The following MYRF variants were observed in gnomAD, a reference collection of about 807,000 sequenced individuals.
MYRF encodes myelin gene regulatory factor.
Under a neutral mutation model 126.3 loss-of-function variants are expected in MYRF, and 16 were observed. The ratio of observed to expected loss-of-function variants is 0.13; its 90% CI spans 0.09 to 0.19. MYRF has a LOEUF of 0.19. MYRF is among the 10% of genes least tolerant of loss of function. The probability of loss-of-function intolerance (pLI) is 1.00; values close to 1 mark genes in which losing one functional copy is unlikely to be tolerated. For missense variants in MYRF, 1,104 were observed against 1,547.0 expected, an observed-to-expected ratio of 0.71 and a Z score of 4.80; for synonymous variants, 608 against 635.3, an observed-to-expected ratio of 0.96 and a Z score of 0.65.
chr11:61,774,562 C>CGT (rs1189731243), intron 8 of MYRF, among the ~76,000 whole-genome samples: 2 of 150,534 alleles, frequency 1.3e-5, no homozygotes, highest in Non-Finnish European at 1.5e-5. Flanking sequence ...CATCTGTGTG[C>CGT]GTGTGTGTGT....
In MYRF at chr11:61,781,706, T is replaced by A. The variant is rs887396333; in HGVS notation, c.2898T>A (p.Pro966=). 6.2e-7 allele frequency: 1 copy of A among 1,613,222 alleles called. No homozygotes were observed. Among genetic ancestry groups the A allele is most frequent in the African/African-American group, 1.3e-5 (1 of 74,934 alleles). Reference sequence around the variant, plus strand: ...TGGCCAGCCCTGCAGTCCCCTTCCCTGGGGGGCAGGGCAAAGCCAAGAACA... The same window carrying A: ...TGGCCAGCCCTGCAGTCCCCTTCCCAGGGGGGCAGGGCAAAGCCAAGAACA... ...EPLASPAVPF[P]GGQGKAKNSP... Residue 966 remains proline, a synonymous_variant, in exon 22 of 27, where the codon CCT becomes CCA. Transcript: ENST00000278836.
In MYRF at chr11:61,777,468, G is replaced by A. The variant is rs1354332287; in HGVS notation, c.1791+4G>A. The A allele has an allele frequency of 6.2e-7, 1 of 1,603,332 alleles. No homozygotes were observed. Among genetic ancestry groups the A allele is most frequent in the Non-Finnish European group, 8.5e-7 (1 of 1,175,278 alleles). ...CGCCAAGGAACACGTGCAGGAGGTG[G>A]GGACAGGGCTGTGGGGGCCGGGCGG... On this transcript the variant is annotated splice_donor_region_variant and intron_variant, in intron 12 of 26. Coordinates refer to ENST00000278836, the MANE Select transcript of MYRF (RefSeq NM_001127392.3). The surrounding 1 kb of genome is among the most constrained non-coding windows in gnomAD (Gnocchi z 8.8).
chr11:61,765,816 C>T (rs2066040250), intron 2 of MYRF, 104 bp downstream of exon 2: 28 of 1,417,744 alleles, frequency 2.0e-5, no homozygotes, highest in Non-Finnish European at 2.3e-5. Context: ...CTGCTGTGGT[C>T]CCACCTCTGA....
At chr11:61,765,733 G>C in intron 2 of MYRF, 21 bp downstream of exon 2, 2 of 1,597,416 alleles carry the variant, frequency 1.3e-6, no homozygotes, top group Non-Finnish European at 8.5e-7. Flanking sequence ...CCCTCGCCCG[G>C]CCTGCACCCG....
At chr11:61,765,105 G>A (rs923367269) in intron 1 of MYRF, among the ~76,000 whole-genome samples, 1 of 152,194 alleles carries the variant, frequency 6.6e-6, no homozygotes, top group Non-Finnish European at 1.5e-5. Flanking sequence ...GCCAGGCCTC[G>A]TGCTCCTGCG....
Position 61,766,176 on chromosome 11 carries a change from C to T in MYRF, c.353C>T (p.Thr118Ile). The T allele has an allele frequency of 1.2e-6, 2 of 1,611,800 alleles. No individual in the cohort carries two copies. Among genetic ancestry groups the T allele is most frequent in the Non-Finnish European group, 8.5e-7 (1 of 1,179,666 alleles). Residue 118 changes from threonine (T) to isoleucine (I), a missense_variant, in exon 3 of 27, where the codon ACC becomes ATC. This residue lies in a region of MYRF where 368 missense variants were observed against 403.9 expected (regional missense o/e 0.91). Transcript: ENST00000278836. ...GCCCCCAAGCCCTTCCCGGGGGGCA[C>T]CGGGCCCCCCATCAAGGCTGAGCCC... ...GAAPKPFPGG[T>I]GPPIKAEPKA...
rs541875821 is a variant in MYRF, at chr11:61,786,029, A to C, written c.3376-34A>C. 4 of 1,609,650 alleles carry C rather than the reference A, an allele frequency of 2.5e-6. No homozygotes were observed. In the East Asian group the frequency reaches 8.9e-5, roughly 36 times the overall value. On this transcript the variant is annotated intron_variant, in intron 26 of 26. Coordinates refer to ENST00000278836, the MANE Select transcript of MYRF (RefSeq NM_001127392.3). This position sits in a 1 kb window ranked among gnomAD's most constrained non-coding sequence, Gnocchi z 4.5. Reference sequence around the variant, plus strand: ...AGTGCCATCTGCCCCGCACCCCCAGAGCCACCTCACCTTCCCACTGCCCTT... The same window carrying C: ...AGTGCCATCTGCCCCGCACCCCCAGCGCCACCTCACCTTCCCACTGCCCTT...
intron 1 of MYRF, among the ~76,000 whole-genome samples, chr11:61,760,197 G>C (rs2065863658): frequency 6.6e-6 from 1 of 152,144 alleles, no homozygotes; most frequent in African/African-American, 2.4e-5. Context: ...TCGAACTCCT[G>C]ACCTTGTGAT....
chr11:61,778,629 C>A lies in MYRF; in HGVS notation c.2013+140C>A. 1 of 685,794 alleles carries A rather than the reference C, an allele frequency of 1.5e-6. No homozygotes were observed. The highest frequency in any genetic ancestry group is 2.7e-6 in the Non-Finnish European group (1 of 375,894). The allele number at this position is 685,794 out of a possible 1,614,324, so 42.5% of individuals were successfully genotyped here. On this transcript the variant is annotated intron_variant, in intron 14 of 26. Coordinates refer to ENST00000278836, the MANE Select transcript of MYRF (RefSeq NM_001127392.3). This position sits in a 1 kb window ranked among gnomAD's most constrained non-coding sequence, Gnocchi z 4.6. ...CGGCTCTCATGCTGCCTCCAGAGCG[C>A]CCTCTGCACCCCACAGGGAAGGGGT...
intron 1 of MYRF, among the ~76,000 whole-genome samples, chr11:61,759,062 C>T (rs976367316): frequency 7.9e-5 from 12 of 152,204 alleles, no homozygotes; most frequent in Admixed American, 4.6e-4. Flanking sequence ...TGTGTGTTGG[C>T]AGTGTGCCTG....
Position 61,779,928 on chromosome 11 carries a change from C to G in MYRF, c.2334C>G (p.Phe778Leu), listed in dbSNP as rs1381402360. The change falls in exon 17 of 27, where the codon TTC (phenylalanine) becomes TTG (leucine). Residue 778 changes from phenylalanine (F) to leucine (L), a missense_variant and splice_region_variant. Physicochemically the swap from Phe to Leu is conservative, Grantham distance 22. Around this residue, in one of 10 missense-constraint regions of MYRF, gnomAD observed 323 missense variants for 383.1 expected, o/e 0.84. Coordinates refer to ENST00000278836, the MANE Select transcript of MYRF (RefSeq NM_001127392.3). Reference sequence around the variant, plus strand: ...TTGCCCTGGTGGTGGTCATGGCCTTCAGGTGACTTGTCCCCTGGGCTCTCA... The same window carrying G: ...TTGCCCTGGTGGTGGTCATGGCCTTGAGGTGACTTGTCCCCTGGGCTCTCA... ...TIIALVVVMA[F>L]SVVSMSTLYV... 2.5e-6 allele frequency: 4 copies of G among 1,613,500 alleles called. No individual in the cohort carries two copies. The highest frequency in any genetic ancestry group is 2.5e-6 in the Non-Finnish European group (3 of 1,179,652).
In MYRF at chr11:61,777,588, G is replaced by T; in HGVS notation, c.1791+124G>T. On this transcript the variant is annotated intron_variant, in intron 12 of 26. Transcript: ENST00000278836. The surrounding 1 kb of genome is among the most constrained non-coding windows in gnomAD (Gnocchi z 8.8). ...AGCTGCGGGGGAAGGAAGGGAGGGA[G>T]GCTGGCCTCGAATCCCGATCTAACC... 1 of 1,367,588 alleles carries T rather than the reference G, an allele frequency of 7.3e-7. No individual in the cohort carries two copies. The highest frequency in any genetic ancestry group is 1.0e-6 in the Non-Finnish European group (1 of 998,276). The allele number at this position is 1,367,588 out of a possible 1,614,324, so 84.7% of individuals were successfully genotyped here.
In MYRF at chr11:61,757,343, G is replaced by A. The variant is rs1425874939; in HGVS notation, c.46+4553G>A. On this transcript the variant is annotated intron_variant, in intron 1 of 26. Transcript: ENST00000278836. This position sits in a 1 kb window ranked among gnomAD's most constrained non-coding sequence, Gnocchi z 4.7. Reference sequence around the variant, plus strand: ...CTTCTCTTGGCCGTATCAGGGCACCGCTGTGCCTCCGCTTTCTCATCTGTA... The same window carrying A: ...CTTCTCTTGGCCGTATCAGGGCACCACTGTGCCTCCGCTTTCTCATCTGTA... 2.2e-6 allele frequency: 1 copy of A among 455,914 alleles called. No individual in the cohort carries two copies. The highest frequency in any genetic ancestry group is 1.5e-5 in the South Asian group (1 of 64,550). 28.2% of individuals were successfully genotyped at this position (455,914 alleles called of 1,614,324 possible).
chr11:61,781,515 G>T, intron 21 of MYRF, 58 bp from the exon 22 acceptor site: 2 of 1,578,800 alleles, frequency 1.3e-6, no homozygotes, highest in Non-Finnish European at 1.7e-6. Context: ...CCTAGAGACA[G>T]CTGGACAGGA....
Position 61,771,611 on chromosome 11 carries a change from C to T in MYRF, c.852C>T (p.Ala284=). 6.2e-7 allele frequency: 1 copy of T among 1,614,018 alleles called. No homozygotes were observed. Among genetic ancestry groups the T allele is most frequent in the Non-Finnish European group, 8.5e-7 (1 of 1,179,994 alleles). The part of the protein sequence containing the change: ...MIKQEPGTVT[A]LPLHPTRAPS... ...AACAGGAGCCTGGGACCGTGACAGCCCTGCCTCTGCACCCCACTCGAGCCC... is the reference window on the plus strand; with the variant it reads ...AACAGGAGCCTGGGACCGTGACAGCTCTGCCTCTGCACCCCACTCGAGCCC... Residue 284 remains alanine, a synonymous_variant, in exon 6 of 27, where the codon GCC becomes GCT. Coordinates refer to ENST00000278836, the MANE Select transcript of MYRF (RefSeq NM_001127392.3).
At chr11:61,754,898 C>T (rs913887157) in intron 1 of MYRF, among the ~76,000 whole-genome samples, 1 of 152,182 alleles carries the variant, frequency 6.6e-6, no homozygotes, top group African/African-American at 2.4e-5. Flanking sequence ...TGTGGGGGAC[C>T]CACTGTAGGT....
Position 61,779,513 on chromosome 11 carries a change from G to C in MYRF, c.2190G>C (p.Gln730His). 6.6e-7 allele frequency: 1 copy of C among 1,519,350 alleles called. No individual in the cohort carries two copies. Among genetic ancestry groups the C allele is most frequent in the Non-Finnish European group, 8.8e-7 (1 of 1,130,814 alleles). 94.1% of individuals were successfully genotyped at this position (1,519,350 alleles called of 1,614,324 possible). A position where few individuals can be genotyped will look rare whatever the true frequency, so the allele number is the denominator to read the frequency against. ...SSGAFSHAGS[Q>H]FSRAGSVPHK... is the part of the protein sequence containing the mutation. The stretch of plus-strand genomic sequence containing the variant: ...CTTGCTGCAGCCATGCAGGGAGCCA[G>C]TTCAGTCGGGCGGGCAGCGTCCCCC... Residue 730 changes from glutamine to histidine, a missense_variant, in exon 16 of 27, where the codon CAG (glutamine) becomes CAC (histidine). Around this residue, in one of 10 missense-constraint regions of MYRF, gnomAD observed 323 missense variants for 383.1 expected, o/e 0.84. Coordinates refer to ENST00000278836, the MANE Select transcript of MYRF (RefSeq NM_001127392.3).
At chr11:61,753,404 G>A in intron 1 of MYRF, among the ~76,000 whole-genome samples, 1 of 151,966 alleles carries the variant, frequency 6.6e-6, no homozygotes. Flanking sequence ...ACTGCCACCT[G>A]CTTTCCACAA....
chr11:61,755,466 GGCTTTGGACTCCAGAGCC>G, intron 1 of MYRF: 1 of 1,607,642 alleles, frequency 6.2e-7, no homozygotes, highest in Non-Finnish European at 8.5e-7. Flanking sequence ...GGTATAAGGG[GGCTTTGGACTCCAGAGCC>G]AGGGCAGGCA....
Sources: allele counts gnomAD v4.1 joint callset (sites outside exome capture counted in the v4.1 genomes callset), GRCh38; gene constraint gnomAD v4.1.1; regional missense constraint gnomAD v4.1.1; non-coding constraint Gnocchi (gnomAD v3.1); transcripts MANE v1.5; gene names NCBI Gene and HGNC (gene_info 2026-07-23, HGNC 2026-07-21).